The following ISG20L2 variants were observed in gnomAD, a reference collection of about 807,000 sequenced individuals.
ISG20L2 encodes interferon stimulated exonuclease gene 20 like 2, also known as interferon-stimulated 20 kDa exonuclease-like 2.
In ISG20L2, 14 loss-of-function variants were observed where a neutral mutation model predicts 27.8. The ratio of observed to expected loss-of-function variants is 0.50; its 90% CI spans 0.33 to 0.79. The LOEUF (loss-of-function observed/expected upper bound fraction) is 0.79, where lower values mean the gene tolerates loss of function less well. Ranked by LOEUF, ISG20L2 falls within the 30% of genes least tolerant of loss-of-function variation. The pLI is 0.02. For missense variants in ISG20L2, 393 were observed against 435.1 expected, an observed-to-expected ratio of 0.90 and a Z score of 0.86; for synonymous variants, 157 against 165.7, an observed-to-expected ratio of 0.95 and a Z score of 0.40.
chr1:156,723,409 T>C lies in ISG20L2; in HGVS notation c.1002A>G (p.Leu334=), dbSNP rs1394391560. Residue 334 remains leucine (L), a synonymous_variant, in exon 4 of 4, where the codon CTA becomes CTG. Transcript: ENST00000368219. The part of the protein sequence containing the change: ...SVEDAQATME[L]YKLVEVEWEE... The stretch of plus-strand genomic sequence containing the variant: ...CCCACTCGACTTCAACCAACTTATA[T>C]AGCTCCATGGTGGCCTGGGCATCTT... 8 of 1,613,996 alleles carry C rather than the reference T, an allele frequency of 5.0e-6. No individual in the cohort carries two copies. Among genetic ancestry groups the C allele is most frequent in the Non-Finnish European group, 5.9e-6 (7 of 1,180,022 alleles).
At chr1:156,726,028 C>T in intron 2 of ISG20L2, 7 of 985,432 alleles carry the variant, frequency 7.1e-6, no homozygotes, top group Non-Finnish European at 8.4e-6. Flanking sequence ...CTCTTTCACC[C>T]CTCCCAGCTC....
chr1:156,722,601 A>C lies in ISG20L2; in HGVS notation c.*748T>G, dbSNP rs1340321157. The C allele has an allele frequency of 3.5e-5, 5 of 143,132 alleles. No homozygotes were observed. The highest frequency in any genetic ancestry group is 6.1e-5 in the Non-Finnish European group (4 of 65,784). 8.9% of individuals were successfully genotyped at this position (143,132 alleles called of 1,614,324 possible). A position where few individuals can be genotyped will look rare whatever the true frequency, so the allele number is the denominator to read the frequency against. Reference sequence around the variant, plus strand: ...AATTTATTAACCAACCAGGTTAATAAATTCTTTTTTTTTTTTTTTGGAGAC... The same window carrying C: ...AATTTATTAACCAACCAGGTTAATACATTCTTTTTTTTTTTTTTTGGAGAC... On this transcript the variant is annotated 3_prime_UTR_variant, in exon 4 of 4. Coordinates refer to ENST00000368219, the MANE Select transcript of ISG20L2 (RefSeq NM_001370150.2).
intron 2 of ISG20L2, 56 bp from the exon 3 acceptor site, chr1:156,724,404 CA>C: frequency 6.7e-7 from 1 of 1,499,024 alleles, no homozygotes; most frequent in Non-Finnish European, 9.1e-7. Flanking sequence ...GGAACCCCTG[CA>C]TTCTGAAAGC....
intron 2 of ISG20L2, chr1:156,724,754 C>T (rs1648681010): frequency 1.5e-5 from 14 of 960,586 alleles, no homozygotes; most frequent in Non-Finnish European, 1.7e-5. Flanking sequence ...TCCAGGGAGG[C>T]TAACAAAAGC....
intron 3 of ISG20L2, 43 bp from the exon 4 acceptor site, chr1:156,723,505 C>T (rs774541432): frequency 1.9e-6 from 3 of 1,611,988 alleles, no homozygotes; most frequent in East Asian, 2.2e-5. Flanking sequence ...GAAAAGAAAC[C>T]GTTTCTTCCT....
rs139375479 is a variant in ISG20L2 at position 156,727,287 on chromosome 1, G to A, written c.366C>T (p.Phe122=). ...VAAKVDLLGE[F]QSALPKINSH... is the part of the protein sequence containing the mutation. ...TATTGATCTTTGGAAGGGCACTCTG[G>A]AACTCCCCCAGCAAATCTACTTTAG... The change falls in exon 2 of 4, where the codon TTC becomes TTT. Residue 122 remains phenylalanine, a synonymous_variant. Transcript: ENST00000368219. The A allele has an allele frequency of 3.1e-6, 5 of 1,614,008 alleles. No individual in the cohort carries two copies. Among genetic ancestry groups the A allele is most frequent in the Non-Finnish European group, 4.2e-6 (5 of 1,180,022 alleles).
In ISG20L2 at chr1:156,728,172, T is replaced by TAGATAACC. The variant is rs1178832463; in HGVS notation, c.-118+242_-118+243insGGTTATCT. ...AGTATGGCGTAGATAACCTCTGGGC[T>TAGATAACC]ACCCAGGCATCCGCAGCGTGGACCA... On this transcript the variant is annotated intron_variant, in intron 1 of 3. Transcript: ENST00000368219. 5.1e-6 allele frequency: 5 copies of TAGATAACC among 986,420 alleles called. No individual in the cohort carries two copies. The East Asian group carries it at 5.7e-4, about 112-fold the overall frequency. The allele number at this position is 986,420 out of a possible 1,614,324, so 61.1% of individuals were successfully genotyped here.
rs1307461027 is a variant in ISG20L2, at chr1:156,727,293, C to T, written c.360G>A (p.Gly120=). ...DSVAAKVDLL[G]EFQSALPKIN... ...TCTTTGGAAGGGCACTCTGGAACTC[C>T]CCCAGCAAATCTACTTTAGCAGCAA... is the stretch of plus-strand genomic sequence containing the variant. Residue 120 remains glycine, a synonymous_variant, in exon 2 of 4, where the codon GGG becomes GGA. Coordinates refer to ENST00000368219, the MANE Select transcript of ISG20L2 (RefSeq NM_001370150.2). The T allele has an allele frequency of 6.2e-7, 1 of 1,614,118 alleles. No individual in the cohort carries two copies. The highest frequency in any genetic ancestry group is 8.5e-7 in the Non-Finnish European group (1 of 1,180,012).
chr1:156,724,008 T>G (rs1648645266), intron 3 of ISG20L2, 140 bp downstream of exon 3: 1 of 1,120,862 alleles, frequency 8.9e-7, no homozygotes, highest in Non-Finnish European at 1.3e-6. Flanking sequence ...ATTATTATCC[T>G]GTGTACAGAT....
In ISG20L2 at chr1:156,727,611, A is replaced by T. The variant is rs1387644381; in HGVS notation, c.42T>A (p.Pro14=). ...LLLNLDFGEP[P]PKKALEGNAK... ...CATTTCCTTCTAATGCCTTTTTGGGAGGAGGTTCCCCAAAATCCAGATTGA... is the reference window on the plus strand; with the variant it reads ...CATTTCCTTCTAATGCCTTTTTGGGTGGAGGTTCCCCAAAATCCAGATTGA... The change falls in exon 2 of 4, where the codon CCT becomes CCA. Residue 14 remains proline (P), a synonymous_variant. Coordinates refer to ENST00000368219, the MANE Select transcript of ISG20L2 (RefSeq NM_001370150.2). 1.2e-6 allele frequency: 2 copies of T among 1,613,814 alleles called. No individual in the cohort carries two copies. Among genetic ancestry groups the T allele is most frequent in the Non-Finnish European group, 1.7e-6 (2 of 1,179,946 alleles).
intron 2 of ISG20L2, chr1:156,726,409 G>C: frequency 5.1e-6 from 5 of 985,264 alleles, no homozygotes; most frequent in Non-Finnish European, 6.0e-6. Flanking sequence ...ACCCAATTTA[G>C]AACCTAAAAT....
At chr1:156,727,930 G>C (rs960096071) in intron 1 of ISG20L2, 161 bp from the exon 2 acceptor site, 5 of 1,169,866 alleles carry the variant, frequency 4.3e-6, no homozygotes, top group Non-Finnish European at 4.2e-6. Flanking sequence ...GAGCATTGGT[G>C]TTAGCCAGCA....
At chr1:156,725,425 C>G (rs995023473) in intron 2 of ISG20L2, 1 of 152,226 alleles carries the variant, frequency 6.6e-6, no homozygotes, top group Non-Finnish European at 1.5e-5. Context: ...GGACATGCTA[C>G]CAATGAGGAC....
Position 156,727,577 on chromosome 1 carries a change from G to A in ISG20L2, c.76C>T (p.Arg26Ter), listed in dbSNP as rs766976138. ...KKALEGNAKHRNFVKKRRLLE... is the reference protein window; with the variant it reads ...KKALEGNAKH ...AGCCTCCGCTTCTTGACAAAATTTCGGTGCTTGGCATTTCCTTCTAATGCC... is the reference window on the plus strand; with the variant it reads ...AGCCTCCGCTTCTTGACAAAATTTCAGTGCTTGGCATTTCCTTCTAATGCC... Residue 26 changes from arginine (R) to a stop codon, truncating the protein, a stop_gained, in exon 2 of 4, where the codon CGA (arginine) becomes TGA (stop). Coordinates refer to ENST00000368219, the MANE Select transcript of ISG20L2 (RefSeq NM_001370150.2). LOFTEE classifies it high-confidence loss of function. The A allele has an allele frequency of 2.5e-6, 4 of 1,614,108 alleles. No homozygotes were observed. Among genetic ancestry groups the A allele is most frequent in the Admixed American group, 1.7e-5 (1 of 60,022 alleles).
Position 156,723,255 on chromosome 1 carries a change from G to A in ISG20L2, c.*94C>T, listed in dbSNP as rs1648611246. ...TCTCTCCCCAAATCTAGCTTCCAAA[G>A]ATGTGGAGCTGGTGGAGCTGTCCAT... is the stretch of plus-strand genomic sequence containing the variant. On this transcript the variant is annotated 3_prime_UTR_variant, in exon 4 of 4. Coordinates refer to ENST00000368219, the MANE Select transcript of ISG20L2 (RefSeq NM_001370150.2). 2.7e-6 allele frequency: 4 copies of A among 1,462,454 alleles called. No individual in the cohort carries two copies. The East Asian group carries it at 9.1e-5, about 33-fold the overall frequency. The allele number at this position is 1,462,454 out of a possible 1,614,324, so 90.6% of individuals were successfully genotyped here.
chr1:156,726,474 G>A (rs2102624420), intron 2 of ISG20L2: 5 of 938,078 alleles, frequency 5.3e-6, no homozygotes, highest in Non-Finnish European at 5.1e-6. Flanking sequence ...TCAGGCTGGA[G>A]TGCAGTGGCA....
In ISG20L2 at chr1:156,723,171, C is replaced by T; in HGVS notation, c.*178G>A. ...CCCTTCCATGGGACACTTAACCAGA[C>T]ACAGGACACAACACCTGAGGTGAAA... On this transcript the variant is annotated 3_prime_UTR_variant, in exon 4 of 4. Coordinates refer to ENST00000368219, the MANE Select transcript of ISG20L2 (RefSeq NM_001370150.2). 5.5e-6 allele frequency: 4 copies of T among 732,364 alleles called. No homozygotes were observed. The highest frequency in any genetic ancestry group is 1.8e-5 in the South Asian group (1 of 55,672). 45.4% of individuals were successfully genotyped at this position (732,364 alleles called of 1,614,324 possible). A position where few individuals can be genotyped will look rare whatever the true frequency, so the allele number is the denominator to read the frequency against.
rs1407134774 is a variant in ISG20L2, at chr1:156,727,363, G to A, written c.290C>T (p.Ala97Val). The change falls in exon 2 of 4, where the codon GCA becomes GTA. Residue 97 changes from alanine to valine, a missense_variant. Ala to Val is a moderately conservative substitution (Grantham distance 64). Around this residue, in one of 3 missense-constraint regions of ISG20L2, gnomAD observed 183 missense variants for 168.2 expected, o/e 1.09. Coordinates refer to ENST00000368219, the MANE Select transcript of ISG20L2 (RefSeq NM_001370150.2). The stretch of plus-strand genomic sequence containing the variant: ...AGGGGCAGGGGTCAACCAAGACACT[G>A]CAGCTTTCTTGTCCAGGGGCTGTCC... ...GSGQPLDKKA[A>V]VSWLTPAPSK... 6.2e-7 allele frequency: 1 copy of A among 1,614,220 alleles called. No homozygotes were observed. Among genetic ancestry groups the A allele is most frequent in the East Asian group, 2.2e-5 (1 of 44,884 alleles).
In ISG20L2 at chr1:156,722,591, C is replaced by G. The variant is rs1648583296; in HGVS notation, c.*758G>C. 1 of 148,508 alleles carries G rather than the reference C, an allele frequency of 6.7e-6. No individual in the cohort carries two copies. The allele number at this position is 148,508 out of a possible 1,614,324, so 9.2% of individuals were successfully genotyped here. On this transcript the variant is annotated 3_prime_UTR_variant, in exon 4 of 4. Coordinates refer to ENST00000368219, the MANE Select transcript of ISG20L2 (RefSeq NM_001370150.2). ...GGGACCACACAATTTATTAACCAAC[C>G]AGGTTAATAAATTCTTTTTTTTTTT...
Sources: allele counts gnomAD v4.1 joint callset, GRCh38; gene constraint gnomAD v4.1.1; regional missense constraint gnomAD v4.1.1; transcripts MANE v1.5; gene names NCBI Gene and HGNC (gene_info 2026-07-23, HGNC 2026-07-21).